The following MACF1 variants were observed in gnomAD, a reference collection of about 807,000 sequenced individuals.
MACF1 encodes microtubule-actin cross-linking factor 1.
In MACF1, 193 loss-of-function variants were observed where a neutral mutation model predicts 854.8. The ratio of observed to expected loss-of-function variants is 0.23; its 90% CI spans 0.20 to 0.25. MACF1 has a LOEUF of 0.25. MACF1 is among the 10% of genes least tolerant of loss of function. MACF1 has a pLI of 1.00. For missense variants in MACF1, 7,722 were observed against 8,929.1 expected (o/e 0.86, Z 5.45); for synonymous variants, 3,185 against 3,226.7 (o/e 0.99, Z 0.44).
intron 31 of MACF1, among the ~76,000 whole-genome samples, chr1:39,322,302 A>G (rs1046608729): frequency 1.3e-5 from 2 of 152,216 alleles, no homozygotes; most frequent in Non-Finnish European, 2.9e-5. Flanking sequence ...TTGAAAAGAA[A>G]ATCAAAAGAA....
chr1:39,337,120 G>T, intron 37 of MACF1, 62 bp from the exon 38 acceptor site: 1 of 1,523,696 alleles, frequency 6.6e-7, no homozygotes, highest in Non-Finnish European at 8.8e-7. Context: ...ACCCCTGCCT[G>T]CTTTAAAGCT....
chr1:39,430,636 C>A, intron 65 of MACF1, 66 bp from the exon 66 acceptor site: 3 of 1,279,626 alleles, frequency 2.3e-6, no homozygotes, highest in Non-Finnish European at 2.3e-6. Context: ...GCAATTTCCA[C>A]CCAGCACAGT....
chr1:39,255,414 G>A (rs1481975416), intron 5 of MACF1, among the ~76,000 whole-genome samples: 4 of 152,196 alleles, frequency 2.6e-5, no homozygotes, highest in Non-Finnish European at 5.9e-5. Flanking sequence ...TCTGCTTAGA[G>A]TGAGCCATAT....
chr1:39,102,569 A>G (rs1642120496), intron 2 of MACF1: 1 of 599,524 alleles, frequency 1.7e-6, no homozygotes, highest in Non-Finnish European at 3.0e-6. Context: ...GAGGCGAGAT[A>G]ACACATTAGA....
intron 1 of MACF1, among the ~76,000 whole-genome samples, chr1:39,215,582 G>C (rs772812819): frequency 2.0e-5 from 3 of 152,090 alleles, no homozygotes; most frequent in Non-Finnish European, 4.4e-5. Flanking sequence ...GAATAGATTG[G>C]GGTGCCCTAC....
chr1:39,370,180 C>T lies in MACF1; in HGVS notation c.13089C>T (p.His4363=), dbSNP rs1569753226. ...AAGAGTTAGAAAAGCAGATTGAACA[C>T]CTGAAGGTAGGTGAACAAAGGGACT... ...SAKELEKQIE[H]LKSLLDDWAS... is the part of the protein sequence containing the mutation. Residue 4363 remains histidine (H), a synonymous_variant, in exon 51 of 101, where the codon CAC becomes CAT. Coordinates refer to ENST00000564288, the MANE Select transcript of MACF1 (RefSeq NM_001394062.1). 1.2e-6 allele frequency: 2 copies of T among 1,609,764 alleles called. No homozygotes were observed. Among genetic ancestry groups the T allele is most frequent in the Non-Finnish European group, 1.7e-6 (2 of 1,177,916 alleles).
chr1:39,427,721 C>T (rs760725836), intron 62 of MACF1, 107 bp downstream of exon 62: 4 of 1,184,404 alleles, frequency 3.4e-6, no homozygotes, highest in Non-Finnish European at 1.2e-6. Context: ...GTGGGTTTAA[C>T]TTAAAATATG....
intron 2 of MACF1, among the ~76,000 whole-genome samples, chr1:39,123,203 A>T (rs1454894828): frequency 1.8e-5 from 2 of 111,918 alleles, no homozygotes; most frequent in African/African-American, 7.0e-5. Flanking sequence ...ATATATATAA[A>T]TTTTTTTTTT....
chr1:39,463,244 T>A (rs1644591339), intron 93 of MACF1, among the ~76,000 whole-genome samples: 1 of 152,168 alleles, frequency 6.6e-6, no homozygotes, highest in African/African-American at 2.4e-5. Flanking sequence ...CCCAGCACTT[T>A]GGGAGGCTGA....
intron 44 of MACF1, among the ~76,000 whole-genome samples, chr1:39,356,730 T>C (rs548082356): frequency 6.6e-6 from 1 of 152,324 alleles, no homozygotes; most frequent in South Asian, 2.1e-4. Flanking sequence ...TCCACTAATG[T>C]AGATGATTAT....
intron 58 of MACF1, 63 bp from the exon 59 acceptor site, chr1:39,422,311 C>A: frequency 7.5e-7 from 1 of 1,331,346 alleles, no homozygotes; most frequent in Non-Finnish European, 1.0e-6. Context: ...TAACCAGTCT[C>A]TGCGTGGTAT....
intron 47 of MACF1, among the ~76,000 whole-genome samples, chr1:39,360,360 A>T (rs911013664): frequency 6.6e-6 from 1 of 151,750 alleles, no homozygotes; most frequent in African/African-American, 2.4e-5. Context: ...CTCTGTTTTA[A>T]AGTCTTAAGT....
At chr1:39,235,325 G>A (rs571016610) in intron 2 of MACF1, among the ~76,000 whole-genome samples, 16 of 152,334 alleles carry the variant, frequency 1.1e-4, no homozygotes, top group Non-Finnish European at 8.8e-5. Flanking sequence ...CCAACAGAGC[G>A]AAACCCCGTC....
chr1:39,187,895 T>TCTGTCTCTCTCTCTCTCTCTCTCTCTCTC (rs1553160207), intron 2 of MACF1, among the ~76,000 whole-genome samples: 1 of 68,466 alleles, frequency 1.5e-5, no homozygotes. Context: ...TCTCTCTCTC[T>TCTGTCTCTCTCTCTCTCTCTCTCTCTCTC]CTCTCTCCTC....
intron 41 of MACF1, among the ~76,000 whole-genome samples, chr1:39,347,655 A>G (rs759946758): frequency 1.3e-5 from 2 of 152,218 alleles, no homozygotes; most frequent in Non-Finnish European, 2.9e-5. Flanking sequence ...ATCTATTTCA[A>G]ATGATTTACC....
chr1:39,450,928 T>C, intron 84 of MACF1, 124 bp from the exon 85 acceptor site: 1 of 1,126,628 alleles, frequency 8.9e-7, no homozygotes, highest in African/African-American at 1.6e-5. Flanking sequence ...TATTTCTAAC[T>C]GTTCTAACAT....
At chr1:39,292,681 C>G (rs1014521312) in intron 16 of MACF1, 85 bp from the exon 17 acceptor site, 1 of 923,840 alleles carries the variant, frequency 1.1e-6, no homozygotes, top group Non-Finnish European at 1.6e-6. Flanking sequence ...TCTATCTAGA[C>G]ATAATATTTG....
intron 26 of MACF1, among the ~76,000 whole-genome samples, chr1:39,314,199 AG>A (rs1341901877): frequency 2.6e-5 from 4 of 152,100 alleles, no homozygotes; most frequent in African/African-American, 9.7e-5. Context: ...ACCTGAGGTC[AG>A]GAGTTGGAGA....
chr1:39,372,024 G>A (rs1013293495), intron 51 of MACF1, among the ~76,000 whole-genome samples: 10 of 151,586 alleles, frequency 6.6e-5, no homozygotes, highest in South Asian at 2.1e-4. Flanking sequence ...TCACCATGTC[G>A]GCCAGTCTGG....
Sources: gnomAD v4.1 joint callset for allele counts (sites outside exome capture counted in the v4.1 genomes callset) on GRCh38, gnomAD v4.1.1 for gene constraint, MANE v1.5 for transcripts, NCBI Gene and HGNC (gene_info 2026-07-23, HGNC 2026-07-21) for gene names.